Variants in GALM observed in about 807,000 individuals in gnomAD.
The protein encoded by GALM is aldose 1-epimerase.
In GALM, 43 loss-of-function variants were observed where a neutral mutation model predicts 37.4. The ratio of observed to expected loss-of-function variants is 1.15; its 90% CI spans 0.90 to 1.48. GALM has a LOEUF of 1.48. GALM is among the 40% of genes most tolerant of loss of function. The pLI is 0.00. For missense variants in GALM, 456 were observed against 419.1 expected, an observed-to-expected ratio of 1.09 and a Z score of -0.77; for synonymous variants, 199 against 170.6, an observed-to-expected ratio of 1.17 and a Z score of -1.30.
At chr2:38,676,186 T>C in intron 2 of GALM, 120 bp downstream of exon 2, 1 of 975,184 alleles carries the variant, frequency 1.0e-6, no homozygotes, top group East Asian at 2.4e-5. Context: ...AAGAGGCCCC[T>C]TCCATGGTTC....
intron 4 of GALM, among the ~76,000 whole-genome samples, chr2:38,711,162 C>CTTTT (rs35852563): frequency 1.5e-5 from 2 of 135,614 alleles, no homozygotes; most frequent in South Asian, 2.3e-4. Flanking sequence ...TACAGATAGC[C>CTTTT]TTTTTTTTTT....
chr2:38,676,132 G>C (rs1310163430), intron 2 of GALM, 66 bp downstream of exon 2: 1 of 1,525,072 alleles, frequency 6.6e-7, no homozygotes, highest in Non-Finnish European at 9.1e-7. Context: ...TGCTTGCCAG[G>C]CACAGTCATA....
At chr2:38,731,100 A>T (rs2148460418) in intron 5 of GALM, among the ~76,000 whole-genome samples, 1 of 151,992 alleles carries the variant, frequency 6.6e-6, no homozygotes, top group East Asian at 1.9e-4. Flanking sequence ...GGTGGCAGGT[A>T]CCTGTAATCC....
At chr2:38,711,221 G>A (rs62144780) in intron 4 of GALM, among the ~76,000 whole-genome samples, 33,548 of 148,672 alleles carry the variant, frequency 0.23, 4,417 homozygotes, top group Non-Finnish European at 0.29. Flanking sequence ...ATGCAATGGC[G>A]CGATCTCAGC....
At chr2:38,713,838 G>A (rs757050519) in intron 4 of GALM, among the ~76,000 whole-genome samples, 9 of 151,626 alleles carry the variant, frequency 5.9e-5, no homozygotes, top group Non-Finnish European at 1.0e-4. Flanking sequence ...CCAGGAGGTC[G>A]AGGTTGTGAT....
At chr2:38,689,415 G>A (rs144327050) in intron 3 of GALM, among the ~76,000 whole-genome samples, 182 of 152,298 alleles carry the variant, frequency 1.2e-3, no homozygotes, top group Non-Finnish European at 2.2e-3. Flanking sequence ...GAGTGAGCCT[G>A]GAGCAGTACC....
intron 4 of GALM, among the ~76,000 whole-genome samples, chr2:38,696,781 CTTTTTTTTTTT>C (rs34163863): frequency 4.4e-5 from 3 of 68,474 alleles, no homozygotes; most frequent in African/African-American, 1.3e-4. Flanking sequence ...CCCAAGAAAG[CTTTTTTTTTTT>C]TTTTTTTTTT....
In GALM at chr2:38,675,909, C is replaced by A. The variant is rs1019385068; in HGVS notation, c.191-3C>A. On this transcript the variant is annotated splice_polypyrimidine_tract_variant and splice_region_variant and intron_variant, in intron 1 of 6. Transcript: ENST00000272252. ...AAAGTGCTGTCATCCCTTGTCCTTG[C>A]AGGATACCTCCAAAAGCAGCCATAC... is the stretch of plus-strand genomic sequence containing the variant. 2 of 1,613,894 alleles carry A rather than the reference C, an allele frequency of 1.2e-6. No homozygotes were observed. Among genetic ancestry groups the A allele is most frequent in the African/African-American group, 2.7e-5 (2 of 74,988 alleles).
chr2:38,681,168 A>T, intron 2 of GALM, 112 bp from the exon 3 acceptor site: 1 of 881,362 alleles, frequency 1.1e-6, no homozygotes, highest in Non-Finnish European at 1.9e-6. Context: ...AAAAAGTCTT[A>T]ATTGATTGTA....
chr2:38,731,599 T>C, intron 5 of GALM, 136 bp from the exon 6 acceptor site: 1 of 687,926 alleles, frequency 1.5e-6, no homozygotes, highest in East Asian at 2.6e-5. Context: ...ATGCTCTTCC[T>C]ACCTTCATCT....
intron 3 of GALM, among the ~76,000 whole-genome samples, chr2:38,683,163 C>T (rs948620951): frequency 6.6e-6 from 1 of 152,020 alleles, no homozygotes; most frequent in African/African-American, 2.4e-5. Context: ...TGCAGTATTC[C>T]ATCTGCCAGT....
intron 4 of GALM, among the ~76,000 whole-genome samples, chr2:38,723,978 G>T (rs1012236062): frequency 1.3e-5 from 2 of 152,068 alleles, no homozygotes; most frequent in African/African-American, 4.8e-5. Flanking sequence ...GGAGTGCAGT[G>T]GCACAATCTC....
At chr2:38,674,681 T>A (rs764233887) in intron 1 of GALM, among the ~76,000 whole-genome samples, 1 of 152,122 alleles carries the variant, frequency 6.6e-6, no homozygotes, top group Non-Finnish European at 1.5e-5. Context: ...ATTATGTGAT[T>A]TAAAAAAATA....
At chr2:38,732,919 T>TA (rs11424376) in intron 6 of GALM, among the ~76,000 whole-genome samples, 2,244 of 97,932 alleles carry the variant, frequency 0.023, 58 homozygotes, top group African/African-American at 0.066. Context: ...ACCCTGTCTT[T>TA]AAAAAAAAAA....
At chr2:38,681,603 T>C in intron 3 of GALM, 117 bp downstream of exon 3, 1 of 814,052 alleles carries the variant, frequency 1.2e-6, no homozygotes, top group South Asian at 1.5e-5. Context: ...CTCATGATGA[T>C]GAAAAGGGCC....
At chr2:38,689,347 G>C (rs867429772) in intron 3 of GALM, among the ~76,000 whole-genome samples, 6 of 152,330 alleles carry the variant, frequency 3.9e-5, no homozygotes, top group Middle Eastern at 6.8e-3. Flanking sequence ...TCATGGAGCA[G>C]AGAGTGGGGC....
intron 4 of GALM, among the ~76,000 whole-genome samples, chr2:38,728,642 G>T (rs554822876): frequency 6.6e-6 from 1 of 152,166 alleles, no homozygotes; most frequent in African/African-American, 2.4e-5. Flanking sequence ...CTGAGATCGC[G>T]CCACTGCGCT....
At chr2:38,733,343 C>A in intron 6 of GALM, 145 bp from the exon 7 acceptor site, 1 of 713,506 alleles carries the variant, frequency 1.4e-6, no homozygotes, top group East Asian at 2.6e-5. Context: ...AGTTCTTTAT[C>A]TCACTATGAA....
In GALM at chr2:38,719,146, C is replaced by T. The variant is rs562017061; in HGVS notation, c.635-10410C>T. On this transcript the variant is annotated intron_variant, in intron 4 of 6. Transcript: ENST00000272252. ...CCTGTGCATGTTCTCTCCTGCACCT[C>T]GTCAGTTAGCCAATCCCAATTTACC... Among the ~76,000 whole-genome samples, 332 of 151,918 alleles carry T rather than the reference C, an allele frequency of 2.2e-3. 3 individuals are homozygous for T. The highest frequency in any genetic ancestry group is 7.6e-3 in the African/African-American group (316 of 41,432).
Sources: allele counts gnomAD v4.1 joint callset (sites outside exome capture counted in the v4.1 genomes callset), GRCh38; gene constraint gnomAD v4.1.1; transcripts MANE v1.5; gene names NCBI Gene and HGNC (gene_info 2026-07-23, HGNC 2026-07-21).